TMEM132B: variants seen among roughly 807,000 people sequenced by gnomAD.
TMEM132B encodes transmembrane protein 132B.
A neutral mutation model predicts 90.8 loss-of-function variants in TMEM132B; 18 were observed. That is an observed-to-expected ratio of 0.20 (90% CI 0.14 to 0.29). TMEM132B has a LOEUF of 0.29. TMEM132B is among the 10% of genes least tolerant of loss of function. The pLI, the probability that TMEM132B is intolerant of heterozygous loss-of-function variation, is 1.00. For missense variants in TMEM132B, 1,096 were observed against 1,326.8 expected (o/e 0.83, Z 2.70); for synonymous variants, 504 against 523.3 (o/e 0.96, Z 0.50).
At chr12:125,606,365 T>C (rs757686919) in intron 5 of TMEM132B, among the ~76,000 whole-genome samples, 3 of 151,676 alleles carry the variant, frequency 2.0e-5, no homozygotes, top group Non-Finnish European at 4.4e-5. Context: ...TGTGTGCATA[T>C]GTGTGTACAC....
chr12:125,195,657 C>T (rs1464238065), intron 1 of TMEM132B, among the ~76,000 whole-genome samples: 1 of 152,036 alleles, frequency 6.6e-6, no homozygotes, highest in Non-Finnish European at 1.5e-5. Flanking sequence ...ACCTTGGCCT[C>T]CCAAATTGCT....
At chr12:125,606,253 CTT>C (rs1480552239) in intron 5 of TMEM132B, among the ~76,000 whole-genome samples, 1 of 149,688 alleles carries the variant, frequency 6.7e-6, no homozygotes, top group Non-Finnish European at 1.5e-5. Context: ...GGTGAAGACT[CTT>C]TTTATTGTAG....
intron 3 of TMEM132B, among the ~76,000 whole-genome samples, chr12:125,450,823 C>T (rs951623585): frequency 6.6e-6 from 1 of 152,178 alleles, no homozygotes; most frequent in African/African-American, 2.4e-5. Flanking sequence ...ATGAGGGGCA[C>T]ATGGACACCC....
chr12:125,261,495 G>C (rs1447334183), intron 1 of TMEM132B, among the ~76,000 whole-genome samples: 1 of 152,178 alleles, frequency 6.6e-6, no homozygotes, highest in Admixed American at 6.6e-5. Flanking sequence ...CTGCACACTG[G>C]TGATATTTGG....
intron 1 of TMEM132B, among the ~76,000 whole-genome samples, chr12:125,190,207 C>T (rs1049424650): frequency 9.2e-5 from 14 of 152,194 alleles, no homozygotes; most frequent in Admixed American, 7.8e-4. Context: ...GACTTTCTAA[C>T]CCTGTACCTG....
intron 3 of TMEM132B, among the ~76,000 whole-genome samples, chr12:125,474,108 C>A (rs1029384626): frequency 7.9e-6 from 1 of 126,882 alleles, no homozygotes. Flanking sequence ...TCCTTTCTTC[C>A]GTCTTTCTGT....
At chr12:125,367,617 C>A (rs1233527977) in intron 2 of TMEM132B, among the ~76,000 whole-genome samples, 1 of 152,144 alleles carries the variant, frequency 6.6e-6, no homozygotes, top group Non-Finnish European at 1.5e-5. Flanking sequence ...CTGCATCCTA[C>A]AATAATAACT....
intron 1 of TMEM132B, among the ~76,000 whole-genome samples, chr12:125,297,147 G>T (rs1382663237): frequency 6.6e-6 from 1 of 152,190 alleles, no homozygotes; most frequent in African/African-American, 2.4e-5. Context: ...TCCTTGGGGG[G>T]GTCCTGCCTG....
chr12:125,467,687 C>T (rs754502956), intron 3 of TMEM132B, among the ~76,000 whole-genome samples: 1 of 152,168 alleles, frequency 6.6e-6, no homozygotes, highest in African/African-American at 2.4e-5. Flanking sequence ...GCTGTAGAAC[C>T]ATTTATTCAC....
intron 4 of TMEM132B, among the ~76,000 whole-genome samples, chr12:125,529,176 C>T (rs573364756): frequency 6.6e-6 from 1 of 152,222 alleles, no homozygotes; most frequent in Non-Finnish European, 1.5e-5. Flanking sequence ...CCTCAGTCTC[C>T]CAGGCTCAAG....
At chr12:125,610,362 A>G (rs1885796281) in intron 5 of TMEM132B, among the ~76,000 whole-genome samples, 1 of 152,174 alleles carries the variant, frequency 6.6e-6, no homozygotes, top group Admixed American at 6.5e-5. Flanking sequence ...TTCACTGTTA[A>G]GCTTGATGTT....
At chr12:125,381,012 G>A (rs947154317) in intron 2 of TMEM132B, among the ~76,000 whole-genome samples, 1 of 152,172 alleles carries the variant, frequency 6.6e-6, no homozygotes, top group East Asian at 1.9e-4. Context: ...CTGGTCAGAT[G>A]CTTAATGGTA....
chr12:125,320,115 C>T (rs776081465), intron 1 of TMEM132B, among the ~76,000 whole-genome samples: 1 of 152,180 alleles, frequency 6.6e-6, no homozygotes, highest in Non-Finnish European at 1.5e-5. Context: ...GTCTCTGGGT[C>T]CTGCACTGAG....
intron 3 of TMEM132B, among the ~76,000 whole-genome samples, chr12:125,463,031 A>G (rs1194474924): frequency 6.6e-6 from 1 of 152,218 alleles, no homozygotes; most frequent in East Asian, 1.9e-4. Context: ...CCTTGGCATC[A>G]TGTTCCAAAT....
intron 4 of TMEM132B, among the ~76,000 whole-genome samples, chr12:125,581,602 G>A (rs554227291): frequency 1.3e-5 from 2 of 152,198 alleles, no homozygotes; most frequent in South Asian, 4.2e-4. Context: ...GGCAGGAATC[G>A]GGTGATACAG....
intron 1 of TMEM132B, among the ~76,000 whole-genome samples, chr12:125,203,846 G>A (rs1873122410): frequency 1.3e-5 from 2 of 152,194 alleles, no homozygotes; most frequent in Admixed American, 1.3e-4. Context: ...CATATCTGCT[G>A]ACCTGTGAGA....
chr12:125,373,644 T>C (rs1328074288), intron 2 of TMEM132B, among the ~76,000 whole-genome samples: 1 of 152,184 alleles, frequency 6.6e-6, no homozygotes, highest in Non-Finnish European at 1.5e-5. Flanking sequence ...TGTAGTGCCC[T>C]GCAATGGAAA....
At chr12:125,377,511 A>G (rs1054789106) in intron 2 of TMEM132B, among the ~76,000 whole-genome samples, 4 of 152,190 alleles carry the variant, frequency 2.6e-5, no homozygotes, top group Non-Finnish European at 5.9e-5. Context: ...CCCCTGCTAT[A>G]AAATGAGGGT....
chr12:125,250,869 T>G (rs2136101932), intron 1 of TMEM132B, among the ~76,000 whole-genome samples: 1 of 152,316 alleles, frequency 6.6e-6, no homozygotes, highest in Admixed American at 6.5e-5. Context: ...TGTCCCCATC[T>G]TTACCTCCTG....
Sources: gnomAD v4.1 joint callset for allele counts (sites outside exome capture counted in the v4.1 genomes callset) on GRCh38, gnomAD v4.1.1 for gene constraint, MANE v1.5 for transcripts, NCBI Gene and HGNC (gene_info 2026-07-23, HGNC 2026-07-21) for gene names.